Variants in ZNF704 observed in about 807,000 individuals in gnomAD.
ZNF704 encodes glucocorticoid induced gene 1.
A neutral mutation model predicts 44.7 loss-of-function variants in ZNF704; 10 were observed. The observed-to-expected ratio is 0.22, with a 90% CI of 0.14 to 0.38. The LOEUF (loss-of-function observed/expected upper bound fraction) is 0.38, where lower values mean the gene tolerates loss of function less well. Among genes scored for constraint, ZNF704 ranks in the 10% least tolerant of loss-of-function variants. The probability of loss-of-function intolerance (pLI) is 1.00; values close to 1 mark genes in which losing one functional copy is unlikely to be tolerated. For synonymous variants in ZNF704, 211 were observed against 207.6 expected (o/e 1.02, Z -0.14); for missense variants, 390 against 545.5 (o/e 0.71, Z 2.84).
intron 2 of ZNF704, among the ~76,000 whole-genome samples, chr8:80,750,031 T>C (rs552871992): frequency 1.4e-3 from 207 of 152,278 alleles, no homozygotes; most frequent in South Asian, 2.5e-3. Context: ...TCCTGTGTCC[T>C]GGAAGCTTCT....
In ZNF704 at chr8:80,836,611, T is replaced by C. The variant is rs190694106; in HGVS notation, c.-21-14996A>G. On this transcript the variant is annotated intron_variant, in intron 1 of 8. Coordinates refer to ENST00000327835, the MANE Select transcript of ZNF704 (RefSeq NM_001033723.3). Reference sequence around the variant, plus strand: ...GGGAAACCTGGCAACCCCCCGTCTCTACAAAAAATTAAAAAATTAGCTGGG... The same window carrying C: ...GGGAAACCTGGCAACCCCCCGTCTCCACAAAAAATTAAAAAATTAGCTGGG... Among the ~76,000 whole-genome samples, 436 of 151,964 alleles carry C rather than the reference T, an allele frequency of 2.9e-3. 2 individuals carry two copies. Among genetic ancestry groups the C allele is most frequent in the African/African-American group, 9.9e-3 (411 of 41,434 alleles).
At chr8:80,746,726 C>G (rs989192660) in intron 2 of ZNF704, among the ~76,000 whole-genome samples, 10 of 152,042 alleles carry the variant, frequency 6.6e-5, no homozygotes, top group Non-Finnish European at 1.3e-4. Context: ...GGATCAGGAC[C>G]CATTGTTACG....
chr8:80,876,772 A>G (rs1809361672), upstream of ZNF704, among the ~76,000 whole-genome samples: 1 of 152,144 alleles, frequency 6.6e-6, no homozygotes, highest in South Asian at 2.1e-4. Flanking sequence ...TATCATACTA[A>G]ACATTGTAAT....
Position 80,631,319 on chromosome 8 carries a change from C to T in ZNF704, c.*10047G>A, listed in dbSNP as rs1166391707. ...TCCTCTCGGTCCCAGCCATCTGTGC[C>T]CAAAACATAGGAAGGGGGCTCCAGT... On this transcript the variant is annotated 3_prime_UTR_variant, in exon 9 of 9. Transcript: ENST00000327835. 6.6e-6 allele frequency: 1 copy of T among 152,128 alleles called. No individual in the cohort carries two copies. The highest frequency in any genetic ancestry group is 1.9e-4 in the East Asian group (1 of 5,190). 9.4% of individuals were successfully genotyped at this position (152,128 alleles called of 1,614,324 possible).
intron 2 of ZNF704, among the ~76,000 whole-genome samples, chr8:80,757,924 A>G (rs1807064254): frequency 6.6e-6 from 1 of 152,152 alleles, no homozygotes; most frequent in Non-Finnish European, 1.5e-5. Context: ...CAATGACAAA[A>G]TTGCCTAATG....
chr8:80,854,714 G>C (rs535572845), intron 1 of ZNF704, among the ~76,000 whole-genome samples: 4 of 152,296 alleles, frequency 2.6e-5, no homozygotes, highest in African/African-American at 9.6e-5. Context: ...TTGGAGCTTA[G>C]ACTGGTTTTG....
At chr8:80,798,815 A>G (rs1807850756) in intron 2 of ZNF704, among the ~76,000 whole-genome samples, 1 of 152,250 alleles carries the variant, frequency 6.6e-6, no homozygotes, top group Non-Finnish European at 1.5e-5. Flanking sequence ...TGCTTAAAAC[A>G]GAATACCTGA....
chr8:80,703,211 C>T (rs538805928), intron 2 of ZNF704, among the ~76,000 whole-genome samples: 2 of 152,136 alleles, frequency 1.3e-5, no homozygotes, highest in African/African-American at 4.8e-5. Context: ...CTCACTTTCT[C>T]CTCTCCATAC....
chr8:80,736,590 C>T (rs185683044), intron 2 of ZNF704, among the ~76,000 whole-genome samples: 2 of 152,084 alleles, frequency 1.3e-5, no homozygotes, highest in Admixed American at 6.5e-5. Context: ...AGTCCTTTAT[C>T]GTGGCTGCCC....
At chr8:80,646,003 G>A (rs1203303204) in intron 7 of ZNF704, among the ~76,000 whole-genome samples, 2 of 152,144 alleles carry the variant, frequency 1.3e-5, no homozygotes, top group East Asian at 3.8e-4. Flanking sequence ...GGCCAGTTTG[G>A]CCCCCCTCAC....
intron 2 of ZNF704, among the ~76,000 whole-genome samples, chr8:80,756,818 G>C (rs952314312): frequency 6.6e-6 from 1 of 152,222 alleles, no homozygotes; most frequent in Non-Finnish European, 1.5e-5. Flanking sequence ...GTTAACTGCA[G>C]AAAAAATGGC....
chr8:80,740,319 T>A (rs569128150), intron 2 of ZNF704, among the ~76,000 whole-genome samples: 9 of 152,212 alleles, frequency 5.9e-5, no homozygotes, highest in African/African-American at 2.2e-4. Context: ...AATTAATCCA[T>A]CCTGAAGTCT....
chr8:80,786,737 C>T (rs936795852), intron 2 of ZNF704, among the ~76,000 whole-genome samples: 2 of 152,122 alleles, frequency 1.3e-5, no homozygotes, highest in African/African-American at 4.8e-5. Flanking sequence ...ATGGCTTGTC[C>T]TGGATGTTGT....
chr8:80,865,782 C>G (rs906920138), intron 1 of ZNF704, among the ~76,000 whole-genome samples: 1 of 152,176 alleles, frequency 6.6e-6, no homozygotes, highest in Non-Finnish European at 1.5e-5. Context: ...TCTACTACTT[C>G]TTTGCTCCTC....
chr8:80,859,879 C>A (rs1289451970), intron 1 of ZNF704, among the ~76,000 whole-genome samples: 1 of 152,080 alleles, frequency 6.6e-6, no homozygotes, highest in African/African-American at 2.4e-5. Context: ...GAGAATGAGG[C>A]TTGCATTTAT....
intron 2 of ZNF704, among the ~76,000 whole-genome samples, chr8:80,727,423 TTTTG>T (rs369397866): frequency 4.3e-4 from 66 of 152,190 alleles, no homozygotes; most frequent in Non-Finnish European, 8.2e-4. Flanking sequence ...TGCAACTGGT[TTTTG>T]TTTTTGTTTT....
intron 2 of ZNF704, among the ~76,000 whole-genome samples, chr8:80,820,520 C>T (rs1270535641): frequency 6.6e-6 from 1 of 152,046 alleles, no homozygotes; most frequent in Non-Finnish European, 1.5e-5. Context: ...GCATCACCAA[C>T]TTTTTTCTTT....
chr8:80,860,915 T>C (rs1809050149), intron 1 of ZNF704, among the ~76,000 whole-genome samples: 1 of 152,226 alleles, frequency 6.6e-6, no homozygotes, highest in African/African-American at 2.4e-5. Flanking sequence ...GTCTGTTTAC[T>C]GCTCTCAAAT....
intron 2 of ZNF704, among the ~76,000 whole-genome samples, chr8:80,782,551 A>G (rs769251472): frequency 3.3e-5 from 5 of 152,182 alleles, no homozygotes; most frequent in African/African-American, 4.8e-5. Context: ...AAATAATCAC[A>G]TGATATGTAG....
Sources: gnomAD v4.1 joint callset for allele counts (sites outside exome capture counted in the v4.1 genomes callset) on GRCh38, gnomAD v4.1.1 for gene constraint, MANE v1.5 for transcripts, NCBI Gene and HGNC (gene_info 2026-07-23, HGNC 2026-07-21) for gene names.